Variants in EPHA6 observed in about 807,000 individuals in gnomAD.
EPHA6 encodes the protein EPH receptor A6.
A neutral mutation model predicts 112.0 loss-of-function variants in EPHA6; 50 were observed. The ratio of observed to expected loss-of-function variants is 0.45; its 90% CI spans 0.36 to 0.56. EPHA6 has a LOEUF of 0.56. EPHA6 is among the 20% of genes least tolerant of loss of function. EPHA6 has a pLI of 0.00. For missense variants in EPHA6, 1,280 were observed against 1,417.4 expected (o/e 0.90, Z 1.56); for synonymous variants, 529 against 490.7 (o/e 1.08, Z -1.03).
Position 97,496,325 on chromosome 3 carries a change from T to C in EPHA6, c.2200+12266T>C, listed in dbSNP as rs933951297. 2.6e-5 allele frequency among the ~76,000 whole-genome samples: 4 copies of C among 152,156 alleles called. No individual in the cohort carries two copies. In the South Asian group the frequency reaches 8.3e-4, roughly 32 times the overall value. On this transcript the variant is annotated intron_variant, in intron 10 of 17. Coordinates refer to ENST00000389672, the MANE Select transcript of EPHA6 (RefSeq NM_001080448.3). Reference sequence around the variant, plus strand: ...ACCATTAATAGTAGGCAAGAATTATTAAATGTTCATCTGCTTGGGATGAGC... The same window carrying C: ...ACCATTAATAGTAGGCAAGAATTATCAAATGTTCATCTGCTTGGGATGAGC...
At chr3:97,506,505 T>A (rs2107574625) in intron 10 of EPHA6, among the ~76,000 whole-genome samples, 1 of 152,320 alleles carries the variant, frequency 6.6e-6, no homozygotes, top group South Asian at 2.1e-4. Flanking sequence ...TTGGTGGAGT[T>A]AGTTCTGAGA....
intron 3 of EPHA6, among the ~76,000 whole-genome samples, chr3:97,160,399 C>G (rs370052747): frequency 1.3e-5 from 2 of 152,032 alleles, no homozygotes; most frequent in Non-Finnish European, 2.9e-5. Flanking sequence ...GCCTCAGCCT[C>G]CCGAGTAGCT....
At chr3:97,269,546 A>G (rs1344528300) in intron 5 of EPHA6, among the ~76,000 whole-genome samples, 2 of 152,242 alleles carry the variant, frequency 1.3e-5, no homozygotes, top group Non-Finnish European at 2.9e-5. Context: ...TTTGAGTAGC[A>G]AAGTTCTATT....
intron 5 of EPHA6, among the ~76,000 whole-genome samples, chr3:97,384,201 T>C (rs1461752678): frequency 6.6e-6 from 1 of 152,232 alleles, no homozygotes; most frequent in East Asian, 1.9e-4. Context: ...GTGTCAGGCA[T>C]TAAGTACTTT....
chr3:97,271,613 C>A (rs765225831), intron 5 of EPHA6, among the ~76,000 whole-genome samples: 20 of 152,206 alleles, frequency 1.3e-4, no homozygotes, highest in Non-Finnish European at 2.9e-4. Flanking sequence ...CCGCCTTGGC[C>A]TCCCAAAGTG....
chr3:97,618,211 G>T (rs1445339728), intron 13 of EPHA6, among the ~76,000 whole-genome samples: 3 of 152,036 alleles, frequency 2.0e-5, no homozygotes, highest in Non-Finnish European at 4.4e-5. Flanking sequence ...CAGAAATCAA[G>T]AAGTTCCTTG....
chr3:97,581,692 T>A (rs1372702508), intron 11 of EPHA6, among the ~76,000 whole-genome samples: 2 of 152,336 alleles, frequency 1.3e-5, no homozygotes, highest in East Asian at 3.9e-4. Context: ...TTTAAGTGAC[T>A]TGCATAAGGT....
Position 97,515,014 on chromosome 3 carries a change from A to G in EPHA6, c.2201-17344A>G, listed in dbSNP as rs974313457. On this transcript the variant is annotated intron_variant, in intron 10 of 17. Transcript: ENST00000389672. Reference sequence around the variant, plus strand: ...ATGACAATGAGATGGTCCTTACAAGACTTCCAGGATTCAAGGAAGAAGTCT... The same window carrying G: ...ATGACAATGAGATGGTCCTTACAAGGCTTCCAGGATTCAAGGAAGAAGTCT... Among the ~76,000 whole-genome samples the G allele has an allele frequency of 4.6e-5, 7 of 152,352 alleles. No homozygotes were observed. The East Asian group carries it at 1.2e-3, about 25-fold the overall frequency.
intron 2 of EPHA6, among the ~76,000 whole-genome samples, chr3:96,978,499 T>G (rs2042621895): frequency 6.6e-6 from 1 of 152,214 alleles, no homozygotes; most frequent in African/African-American, 2.4e-5. Context: ...TAGATCTATA[T>G]CAATCTTGAA....
rs149773514 is a variant in EPHA6, at chr3:96,998,053, A to G, written c.1114+10060A>G. 3.2e-3 allele frequency among the ~76,000 whole-genome samples: 489 copies of G among 151,930 alleles called. 1 individual carries two copies. Among genetic ancestry groups the G allele is most frequent in the African/African-American group, 0.011 (458 of 41,364 alleles). ...ACATATTTAATACCAAGTTTAGTCC[A>G]TATTTTATTCTGTTAACTTTAAGAC... On this transcript the variant is annotated intron_variant, in intron 3 of 17. Coordinates refer to ENST00000389672, the MANE Select transcript of EPHA6 (RefSeq NM_001080448.3).
intron 7 of EPHA6, among the ~76,000 whole-genome samples, chr3:97,452,639 A>G (rs1168363172): frequency 6.6e-6 from 1 of 151,764 alleles, no homozygotes; most frequent in Non-Finnish European, 1.5e-5. Flanking sequence ...AGAAAGTAAG[A>G]ATATAAAAAT....
At chr3:97,121,820 C>T (rs1443845582) in intron 3 of EPHA6, among the ~76,000 whole-genome samples, 4 of 152,004 alleles carry the variant, frequency 2.6e-5, no homozygotes, top group Non-Finnish European at 5.9e-5. Flanking sequence ...GTGATCTGCT[C>T]CAGTTCTAAA....
At chr3:97,077,852 A>G (rs1260525960) in intron 3 of EPHA6, among the ~76,000 whole-genome samples, 4 of 152,154 alleles carry the variant, frequency 2.6e-5, no homozygotes, top group Non-Finnish European at 4.4e-5. Context: ...TGTAATAAAT[A>G]TATGTGTGCA....
intron 16 of EPHA6, among the ~76,000 whole-genome samples, chr3:97,743,060 T>G (rs932454162): frequency 2.0e-5 from 3 of 152,154 alleles, no homozygotes; most frequent in Non-Finnish European, 2.9e-5. Context: ...TATCACTGCC[T>G]CTTTCTCCAC....
intron 5 of EPHA6, among the ~76,000 whole-genome samples, chr3:97,334,018 G>T (rs1347182637): frequency 6.6e-6 from 1 of 151,960 alleles, no homozygotes; most frequent in Non-Finnish European, 1.5e-5. Flanking sequence ...ATAAGTGAGT[G>T]TTGGAATTTG....
chr3:97,502,734 T>C (rs1172845779), intron 10 of EPHA6, among the ~76,000 whole-genome samples: 4 of 141,212 alleles, frequency 2.8e-5, no homozygotes. Context: ...CTTGGGAGGC[T>C]GAGGGAGGGG....
At chr3:96,891,372 C>A (rs1435939891) in intron 2 of EPHA6, among the ~76,000 whole-genome samples, 2 of 152,060 alleles carry the variant, frequency 1.3e-5, no homozygotes, top group Admixed American at 6.5e-5. Context: ...ATGTAAAATT[C>A]AAAACAGGCA....
intron 3 of EPHA6, among the ~76,000 whole-genome samples, chr3:97,179,070 T>C (rs1474636985): frequency 6.6e-6 from 1 of 152,046 alleles, no homozygotes; most frequent in Non-Finnish European, 1.5e-5. Context: ...TTTCTTTTTC[T>C]TTTTTGTCTT....
At chr3:97,169,347 C>T (rs1236897330) in intron 3 of EPHA6, among the ~76,000 whole-genome samples, 1 of 152,146 alleles carries the variant, frequency 6.6e-6, no homozygotes, top group Non-Finnish European at 1.5e-5. Context: ...GCAGGTTCTC[C>T]ACTTTGATTT....
Sources: gnomAD v4.1 joint callset for allele counts (sites outside exome capture counted in the v4.1 genomes callset) on GRCh38, gnomAD v4.1.1 for gene constraint, MANE v1.5 for transcripts, NCBI Gene and HGNC (gene_info 2026-07-23, HGNC 2026-07-21) for gene names.